TRIM51G: variants seen among roughly 807,000 people sequenced by gnomAD.
TRIM51G encodes the protein tripartite motif-containing protein 51G.
chr11:48,981,464 T>C, the TRIM51G span: 12 of 1,607,532 alleles, frequency 7.5e-6, no homozygotes, highest in Admixed American at 8.4e-5. Flanking sequence ...CTGGCTTTTC[T>C]GGCAATGGAA....
chr11:48,978,268 T>G, the TRIM51G span: 1 of 471,268 alleles, frequency 2.1e-6, no homozygotes, highest in Non-Finnish European at 4.3e-6. Flanking sequence ...CCTACAGTGT[T>G]CCCTCCTGGA....
At chr11:48,981,513 C>A in the TRIM51G span, 19 of 1,605,310 alleles carry the variant, frequency 1.2e-5, no homozygotes, top group African/African-American at 2.1e-4. Flanking sequence ...TGAGGTTTCT[C>A]TGCCGTGTTG....
the TRIM51G span, among the ~76,000 whole-genome samples, chr11:48,979,971 C>G: frequency 0.034 from 5,193 of 151,870 alleles, 122 homozygotes; most frequent in African/African-American, 0.054. Flanking sequence ...CTATTTAAAA[C>G]TCAAACCCTC....
chr11:48,981,647 T>C, the TRIM51G span: 1 of 1,598,932 alleles, frequency 6.3e-7, no homozygotes, highest in Non-Finnish European at 8.6e-7. Flanking sequence ...TTCATGCAGA[T>C]GGGACAGATG....
At chr11:48,979,363 A>G in the TRIM51G span, among the ~76,000 whole-genome samples, 1 of 152,200 alleles carries the variant, frequency 6.6e-6, no homozygotes, top group Non-Finnish European at 1.5e-5. Flanking sequence ...CCACATTTAT[A>G]GAAAGAAAAC....
the TRIM51G span, chr11:48,977,174 G>C: frequency 4.6e-6 from 6 of 1,298,172 alleles, no homozygotes; most frequent in Non-Finnish European, 6.7e-6. Flanking sequence ...CAGCAGCAGG[G>C]ACTCATACCT....
the TRIM51G span, chr11:48,981,734 C>T: frequency 4.3e-5 from 68 of 1,573,196 alleles, no homozygotes; most frequent in Non-Finnish European, 5.9e-5. Context: ...ATTTTGGGTT[C>T]TGGGTTGGTG....
chr11:48,976,075 C>T, the TRIM51G span: 4 of 378,466 alleles, frequency 1.1e-5, no homozygotes, highest in South Asian at 2.2e-5. Flanking sequence ...AGTTGTTCTA[C>T]CAAGAATTTA....
At chr11:48,977,898 TTTTA>T in the TRIM51G span, among the ~76,000 whole-genome samples, 113,318 of 144,552 alleles carry the variant, frequency 0.78, 44,400 homozygotes, top group Non-Finnish European at 0.8. Flanking sequence ...TCTCTTTCTT[TTTTA>T]TTTATTTATT....
At chr11:48,982,667 G>T in the TRIM51G span, among the ~76,000 whole-genome samples, 1 of 151,774 alleles carries the variant, frequency 6.6e-6, no homozygotes, top group Admixed American at 6.6e-5. Flanking sequence ...CTTAATGACA[G>T]CCTGTGTTCA....
At chr11:48,983,547 A>G in the TRIM51G span, among the ~76,000 whole-genome samples, 1 of 151,886 alleles carries the variant, frequency 6.6e-6, no homozygotes, top group South Asian at 2.1e-4. Flanking sequence ...AAATTTTTCA[A>G]AAATATATTA....
the TRIM51G span, among the ~76,000 whole-genome samples, chr11:48,977,356 C>T: frequency 6.6e-6 from 1 of 152,128 alleles, no homozygotes; most frequent in African/African-American, 2.4e-5. Context: ...CATTTTCAAG[C>T]ACGATGGAAA....
chr11:48,975,628 C>G, the TRIM51G span: 1 of 1,407,716 alleles, frequency 7.1e-7, no homozygotes, highest in Non-Finnish European at 1.0e-6. Flanking sequence ...CAGGAATAAT[C>G]CTACTGTGTC....
the TRIM51G span, chr11:48,977,223 AAAAT>A: frequency 2.3e-6 from 2 of 869,048 alleles, no homozygotes; most frequent in Non-Finnish European, 3.9e-6. Context: ...AACAGCCAAA[AAAAT>A]ACATAAGAAT....
At chr11:48,981,769 T>C in the TRIM51G span, 3 of 1,447,438 alleles carry the variant, frequency 2.1e-6, no homozygotes. Flanking sequence ...TATCACCATA[T>C]GTGATAGCTA....
chr11:48,977,403 C>T, the TRIM51G span, among the ~76,000 whole-genome samples: 4 of 152,240 alleles, frequency 2.6e-5, no homozygotes, highest in South Asian at 2.1e-4. Flanking sequence ...GATCTTTCTT[C>T]GTATTGCTCC....
chr11:48,976,325 A>T, the TRIM51G span, among the ~76,000 whole-genome samples: 16 of 152,120 alleles, frequency 1.1e-4, no homozygotes, highest in African/African-American at 3.6e-4. Context: ...CAAGGTAATT[A>T]TTATTAAAAT....
chr11:48,981,531 G>T, the TRIM51G span: 2 of 1,603,210 alleles, frequency 1.2e-6, no homozygotes, highest in South Asian at 1.1e-5. Flanking sequence ...TTGTCTTCTT[G>T]CATTTAGAGC....
chr11:48,978,680 A>G, the TRIM51G span, among the ~76,000 whole-genome samples: 2 of 152,164 alleles, frequency 1.3e-5, no homozygotes, highest in Admixed American at 1.3e-4. Flanking sequence ...TGGTGGATAA[A>G]GTAGGAGGGA....
Sources: gnomAD v4.1 joint callset for allele counts (sites outside exome capture counted in the v4.1 genomes callset) on GRCh38, gnomAD v4.1.1 for gene constraint, MANE v1.5 for transcripts, NCBI Gene and HGNC (gene_info 2026-07-23, HGNC 2026-07-21) for gene names.